The following MOK variants were observed in gnomAD, a reference collection of about 807,000 sequenced individuals.
MOK encodes the protein MAPK/MAK/MRK overlapping kinase.
MOK carries 59 observed loss-of-function variants against 54.2 expected under a neutral mutation model. The ratio of observed to expected loss-of-function variants is 1.09; its 90% confidence interval spans 0.88 to 1.35. The LOEUF is 1.35. Among genes scored for constraint, MOK ranks in the 40% most tolerant of loss-of-function variants. The pLI is 0.00. For missense variants in MOK, 517 were observed against 526.2 expected, an observed-to-expected ratio of 0.98 and a Z score of 0.17; for synonymous variants, 210 against 202.7, an observed-to-expected ratio of 1.04 and a Z score of -0.31.
intron 7 of MOK, among the ~76,000 whole-genome samples, chr14:102,241,505 G>C (rs1163816495): frequency 6.7e-6 from 1 of 150,198 alleles, no homozygotes; most frequent in Non-Finnish European, 1.5e-5. Context: ...CCAAATCAGT[G>C]TTTAGGCTCT....
At chr14:102,258,529 G>T (rs2067147796) in intron 4 of MOK, among the ~76,000 whole-genome samples, 1 of 152,104 alleles carries the variant, frequency 6.6e-6, no homozygotes, top group Admixed American at 6.5e-5. Flanking sequence ...CACATGGGTG[G>T]GAACTGTGTC....
At chr14:102,218,538 T>C in the MOK span, among the ~76,000 whole-genome samples, 1 of 152,238 alleles carries the variant, frequency 6.6e-6, no homozygotes, top group Non-Finnish European at 1.5e-5. Context: ...TATTGTAAAT[T>C]GTTTTGAACC....
At chr14:102,225,788 G>C (rs2064218584), downstream of MOK, 1 of 160,960 alleles carries the variant, frequency 6.2e-6, no homozygotes. Context: ...TGTCACCATG[G>C]ACTCAAGCAT....
At chr14:102,251,103 C>G in intron 6 of MOK, 113 bp from the exon 7 acceptor site, 1 of 1,136,510 alleles carries the variant, frequency 8.8e-7, no homozygotes, top group Non-Finnish European at 1.2e-6. Flanking sequence ...CTAAAGTAGT[C>G]TGTAAAATAC....
chr14:102,289,499 T>TTTTTA (rs895516112), intron 1 of MOK, among the ~76,000 whole-genome samples: 6 of 152,086 alleles, frequency 3.9e-5, no homozygotes, highest in African/African-American at 9.7e-5. Flanking sequence ...CTGTTTTTTA[T>TTTTTA]TTTTATTTTA....
In MOK at chr14:102,238,832, T is replaced by C. The variant is rs1243199674; in HGVS notation, c.591-5043A>G. ...CTCACTAAAAAGTATAACTTCAAAATGTCATATATGCTCTGTCACCTCCTC... is the reference window on the plus strand; with the variant it reads ...CTCACTAAAAAGTATAACTTCAAAACGTCATATATGCTCTGTCACCTCCTC... On this transcript the variant is annotated intron_variant, in intron 7 of 11. Coordinates refer to ENST00000361847, the MANE Select transcript of MOK (RefSeq NM_014226.3). This position sits in a 1 kb window ranked among gnomAD's most constrained non-coding sequence, Gnocchi z 4.8. Among the ~76,000 whole-genome samples, 1 of 152,122 alleles carries C rather than the reference T, an allele frequency of 6.6e-6. No individual in the cohort carries two copies. The highest frequency in any genetic ancestry group is 1.5e-5 in the Non-Finnish European group (1 of 68,020).
rs1476847771 is a variant in MOK at position 102,265,856 on chromosome 14, T to C, written c.179A>G (p.His60Arg). The C allele has an allele frequency of 1.2e-6, 2 of 1,613,956 alleles. No individual in the cohort carries two copies. Among genetic ancestry groups the C allele is most frequent in the Non-Finnish European group, 1.7e-6 (2 of 1,179,952 alleles). Residue 60 changes from histidine to arginine, a missense_variant, in exon 3 of 12, where the codon CAC (histidine) becomes CGC (arginine). Transcript: ENST00000361847. ...TTCATGCAACATAAGAATGTTTGGG[T>C]GCGGATTCAGGCGCCTCAGTGCTTG... ...EIQALRRLNP[H>R]PNILMLHEVV...
chr14:102,286,014 T>C (rs912517894), intron 1 of MOK, among the ~76,000 whole-genome samples: 9 of 152,008 alleles, frequency 5.9e-5, no homozygotes, highest in Non-Finnish European at 1.0e-4. Flanking sequence ...AAGATGTGCA[T>C]CCGGGCCGGG....
chr14:102,300,699 TCACA>T (rs2072092585), intron 1 of MOK, among the ~76,000 whole-genome samples: 1 of 152,234 alleles, frequency 6.6e-6, no homozygotes, highest in Non-Finnish European at 1.5e-5. Context: ...AATAATTCAT[TCACA>T]ATTTATCATG....
chr14:102,290,708 C>CT (rs2070682266), intron 1 of MOK, among the ~76,000 whole-genome samples: 2 of 152,148 alleles, frequency 1.3e-5, no homozygotes, highest in South Asian at 4.1e-4. Context: ...ATTTTCCAAA[C>CT]TGAGTACTAC....
intron 6 of MOK, chr14:102,251,377 G>A (rs2066513859): frequency 2.6e-6 from 1 of 391,456 alleles, no homozygotes; most frequent in Non-Finnish European, 4.9e-6. Flanking sequence ...CCAGTGACAG[G>A]TGCTGGGAAA....
At chr14:102,215,063 A>G in the MOK span, 3 of 915,922 alleles carry the variant, frequency 3.3e-6, no homozygotes, top group Non-Finnish European at 3.9e-6. Context: ...CCAGTGAACC[A>G]AAACCAGAAA....
chr14:102,220,006 A>C (rs1001639631), downstream of MOK, among the ~76,000 whole-genome samples: 4 of 152,222 alleles, frequency 2.6e-5, no homozygotes, highest in Admixed American at 2.0e-4. This position sits in a 1 kb window ranked among gnomAD's most constrained non-coding sequence, Gnocchi z 4.2. Context: ...CTGGAGAATG[A>C]GTGTGCATTT....
In MOK at chr14:102,272,205, T is replaced by C. The variant is rs116117554; in HGVS notation, c.123-6293A>G. Among the ~76,000 whole-genome samples the C allele has an allele frequency of 4.6e-3, 707 of 152,324 alleles. 6 individuals carry two copies. Among genetic ancestry groups the C allele is most frequent in the African/African-American group, 0.016 (655 of 41,562 alleles). On this transcript the variant is annotated intron_variant, in intron 2 of 11. Transcript: ENST00000361847. ...AGACTTTTATATAATAAGAAAAGTA[T>C]AGGCCAAGCATGGTAGCTCACGCCT...
chr14:102,272,391 A>C (rs1029258465), intron 2 of MOK, among the ~76,000 whole-genome samples: 1 of 151,900 alleles, frequency 6.6e-6, no homozygotes, highest in Non-Finnish European at 1.5e-5. Flanking sequence ...GGGAGCCTGA[A>C]GCAGAATTGC....
At chr14:102,224,816 G>A (rs1171491782), downstream of MOK, 2 of 455,828 alleles carry the variant, frequency 4.4e-6, no homozygotes, top group African/African-American at 4.0e-5. Context: ...AATAATAAAA[G>A]ACACTAAGAC....
At chr14:102,279,261 G>A (rs2069172732) in intron 2 of MOK, among the ~76,000 whole-genome samples, 1 of 151,434 alleles carries the variant, frequency 6.6e-6, no homozygotes, top group African/African-American at 2.4e-5. Flanking sequence ...GAAAAATATA[G>A]ACTAAAAGCA....
At chr14:102,294,538 C>T (rs1597616833) in intron 1 of MOK, among the ~76,000 whole-genome samples, 1 of 151,986 alleles carries the variant, frequency 6.6e-6, no homozygotes, top group Admixed American at 6.6e-5. Context: ...TCCTCTGAGC[C>T]CGGGAAGTCA....
At chr14:102,237,838 G>C (rs1008609371) in intron 7 of MOK, among the ~76,000 whole-genome samples, 38 of 152,180 alleles carry the variant, frequency 2.5e-4, no homozygotes, top group Non-Finnish European at 5.3e-4. Flanking sequence ...GGCCACTTTA[G>C]CTGTAAGCAG....
Sources: allele counts gnomAD v4.1 joint callset (sites outside exome capture counted in the v4.1 genomes callset), GRCh38; gene constraint gnomAD v4.1.1; non-coding constraint Gnocchi (gnomAD v3.1); transcripts MANE v1.5; gene names NCBI Gene and HGNC (gene_info 2026-07-23, HGNC 2026-07-21).